The following PDZD2 variants were observed in gnomAD, a reference collection of about 807,000 sequenced individuals.
The protein encoded by PDZD2 is PDZ domain-containing protein 2.
In PDZD2, 90 loss-of-function variants were observed where a neutral mutation model predicts 220.7. The observed-to-expected ratio is 0.41, with a 90% CI of 0.34 to 0.49. The LOEUF (loss-of-function observed/expected upper bound fraction) is 0.49. Among genes scored for constraint, PDZD2 ranks in the 20% least tolerant of loss-of-function variants. The probability of loss-of-function intolerance (pLI) is 0.28; values close to 1 mark genes in which losing one functional copy is unlikely to be tolerated. For synonymous variants in PDZD2, 1,375 were observed against 1,450.5 expected, an observed-to-expected ratio of 0.95 and a Z score of 1.18; for missense variants, 3,174 against 3,608.5, an observed-to-expected ratio of 0.88 and a Z score of 3.08.
At chr5:31,886,235 A>G (rs1466271305) in intron 2 of PDZD2, among the ~76,000 whole-genome samples, 2 of 152,210 alleles carry the variant, frequency 1.3e-5, no homozygotes, top group Non-Finnish European at 2.9e-5. Flanking sequence ...CTGAAAAAAC[A>G]GATCAGTGCA....
intron 1 of PDZD2, among the ~76,000 whole-genome samples, chr5:31,683,533 A>G (rs1746733287): frequency 6.6e-6 from 1 of 152,248 alleles, no homozygotes; most frequent in Non-Finnish European, 1.5e-5. Flanking sequence ...GACTTTGTAC[A>G]TGGACACTCA....
At chr5:31,879,335 A>T (rs1440014407) in intron 2 of PDZD2, among the ~76,000 whole-genome samples, 5 of 150,958 alleles carry the variant, frequency 3.3e-5, no homozygotes, top group Non-Finnish European at 5.9e-5. Context: ...TGCAGTGAGC[A>T]TAGATCGTGC....
At chr5:31,861,288 T>G (rs1737686368) in intron 2 of PDZD2, among the ~76,000 whole-genome samples, 1 of 152,138 alleles carries the variant, frequency 6.6e-6, no homozygotes, top group Admixed American at 6.6e-5. Flanking sequence ...TCTCCCTGTT[T>G]AAGCCACTTT....
intron 2 of PDZD2, chr5:31,822,506 G>T: frequency 1.8e-6 from 1 of 543,094 alleles, no homozygotes; most frequent in Non-Finnish European, 3.4e-6. Flanking sequence ...TCACATATAG[G>T]TCTTAGGAAG....
intron 2 of PDZD2, among the ~76,000 whole-genome samples, chr5:31,956,673 C>T (rs554913112): frequency 5.6e-5 from 8 of 142,128 alleles, no homozygotes; most frequent in South Asian, 4.5e-4. Context: ...GCAGAAGAAT[C>T]GCTTGAACCA....
chr5:31,705,919 T>C (rs410998), intron 1 of PDZD2, among the ~76,000 whole-genome samples: 115,632 of 152,122 alleles, frequency 0.76, 45,042 homozygotes, highest in East Asian at 0.93. Flanking sequence ...GGCGTGGTGG[T>C]GGGTGCCTGT....
intron 6 of PDZD2, among the ~76,000 whole-genome samples, chr5:32,015,611 A>G (rs1171284637): frequency 2.6e-5 from 4 of 152,188 alleles, no homozygotes; most frequent in Admixed American, 6.5e-5. Context: ...TACGATCTCC[A>G]ATAAAATGAG....
intron 2 of PDZD2, among the ~76,000 whole-genome samples, chr5:31,927,999 C>T (rs1461091670): frequency 6.6e-6 from 1 of 152,044 alleles, no homozygotes; most frequent in Non-Finnish European, 1.5e-5. Flanking sequence ...GTATGCCTAC[C>T]CTCACTGAGA....
In PDZD2 at chr5:32,107,964, C is replaced by T. The variant is rs188487821; in HGVS notation, c.8354-5C>T. 35 of 1,607,954 alleles carry T rather than the reference C, an allele frequency of 2.2e-5. No homozygotes were observed. The Admixed American group carries it at 4.8e-4, about 22-fold the overall frequency. On this transcript the variant is annotated splice_region_variant and splice_polypyrimidine_tract_variant and intron_variant, in intron 24 of 24. Transcript: ENST00000438447. ...CTATTAATTATTCTGTGTTTATTCT[C>T]GTAGGTGGTGCGGCTGAACAAGCTG...
chr5:31,779,299 C>T (rs1278344009), intron 1 of PDZD2, among the ~76,000 whole-genome samples: 1 of 152,100 alleles, frequency 6.6e-6, no homozygotes, highest in Non-Finnish European at 1.5e-5. Flanking sequence ...TTCTATCACC[C>T]CCAATTCCAC....
intron 2 of PDZD2, among the ~76,000 whole-genome samples, chr5:31,894,656 A>C (rs546572925): frequency 3.9e-4 from 60 of 152,080 alleles, no homozygotes; most frequent in African/African-American, 1.4e-3. Context: ...GTGTGTCCTG[A>C]CTTCATTTTA....
chr5:31,983,570 G>A lies in PDZD2; in HGVS notation c.892G>A (p.Asp298Asn), dbSNP rs868658983. 1 of 1,614,198 alleles carries A rather than the reference G, an allele frequency of 6.2e-7. No homozygotes were observed. Among genetic ancestry groups the A allele is most frequent in the Non-Finnish European group, 8.5e-7 (1 of 1,180,030 alleles). The change falls in exon 3 of 25, where the codon GAT becomes AAT. Residue 298 changes from aspartate (D) to asparagine (N), a missense_variant. Asp to Asn is a conservative substitution (Grantham distance 23). Around this residue, in one of 4 missense-constraint regions of PDZD2, gnomAD observed 632 missense variants for 708.1 expected, o/e 0.89. Transcript: ENST00000438447. ...RGTEHRIPKTDAPLTTSNDKR... is the reference protein window; with the variant it reads ...RGTEHRIPKTNAPLTTSNDKR... ...GACAGAGCATAGAATTCCAAAGACA[G>A]ATGCTCCTCTGACCACAAGCAATGA...
intron 4 of PDZD2, among the ~76,000 whole-genome samples, chr5:31,997,901 G>T (rs966586750): frequency 3.9e-5 from 6 of 152,152 alleles, no homozygotes; most frequent in Admixed American, 6.5e-5. Context: ...GAAGTGCAGT[G>T]GCGCGATCTC....
At chr5:31,668,158 G>A (rs1443645653) in intron 1 of PDZD2, among the ~76,000 whole-genome samples, 2 of 152,142 alleles carry the variant, frequency 1.3e-5, no homozygotes, top group Non-Finnish European at 2.9e-5. Flanking sequence ...GCTGCACTTG[G>A]CCCAAACTGC....
intron 2 of PDZD2, among the ~76,000 whole-genome samples, chr5:31,982,020 T>C (rs950453497): frequency 6.6e-6 from 1 of 152,218 alleles, no homozygotes; most frequent in African/African-American, 2.4e-5. Flanking sequence ...AGCCCTCACA[T>C]ATATGAAAAA....
chr5:31,817,127 G>A (rs1027316541), intron 2 of PDZD2, among the ~76,000 whole-genome samples: 7 of 150,102 alleles, frequency 4.7e-5, no homozygotes, highest in Admixed American at 2.0e-4. Flanking sequence ...TGGAGCTTGC[G>A]GTGAGCCGAG....
chr5:31,832,529 A>AAAT (rs1470095807), intron 2 of PDZD2: 1 of 152,144 alleles, frequency 6.6e-6, no homozygotes, highest in Non-Finnish European at 1.5e-5. Context: ...AAATAATAAA[A>AAAT]ATGGGTCGGG....
At chr5:31,772,881 C>A (rs1752416288) in intron 1 of PDZD2, among the ~76,000 whole-genome samples, 2 of 152,152 alleles carry the variant, frequency 1.3e-5, no homozygotes, top group African/African-American at 4.8e-5. Context: ...AGCAAGGAGA[C>A]CATTGATTGA....
chr5:32,091,053 C>T lies in PDZD2; in HGVS notation c.7605C>T (p.Gly2535=), dbSNP rs535341850. 83 of 1,613,602 alleles carry T rather than the reference C, an allele frequency of 5.1e-5. No individual in the cohort carries two copies. Among genetic ancestry groups the T allele is most frequent in the Non-Finnish European group, 6.7e-5 (79 of 1,179,812 alleles). The change falls in exon 20 of 25, where the codon GGC becomes GGT. Residue 2535 remains glycine (G), a synonymous_variant. Coordinates refer to ENST00000438447, the MANE Select transcript of PDZD2 (RefSeq NM_178140.4). ...GAGGCGTTTCGTGTCCCGAGAAGGG[C>T]GGGAACAGGGCCTGTCCAGGAGGAA... ...PAGGVSCPEK[G]GNRACPGGSG...
Sources: gnomAD v4.1 joint callset for allele counts (sites outside exome capture counted in the v4.1 genomes callset) on GRCh38, gnomAD v4.1.1 for gene constraint, gnomAD v4.1.1 regional missense constraint, MANE v1.5 for transcripts, NCBI Gene and HGNC (gene_info 2026-07-23, HGNC 2026-07-21) for gene names.